ZNF850: variants seen among roughly 807,000 people sequenced by gnomAD.
ZNF850 encodes putative zinc finger protein ENSP00000330994.
In ZNF850, 2 loss-of-function variants were observed where a neutral mutation model predicts 11.9. The observed-to-expected ratio is 0.17, with a 90% CI of 0.07 to 0.53. The LOEUF is 0.53. ZNF850 is among the 20% of genes least tolerant of loss of function. ZNF850 has a pLI of 0.94. For synonymous variants in ZNF850, 381 were observed against 443.0 expected (o/e 0.86, Z 1.76); for missense variants, 1,014 against 1,316.4 (o/e 0.77, Z 3.55).
intron 1 of ZNF850, among the ~76,000 whole-genome samples, chr19:36,768,461 G>T (rs190383601): frequency 2.2e-4 from 33 of 152,168 alleles, no homozygotes; most frequent in African/African-American, 6.5e-4. Flanking sequence ...TAATGAAAAT[G>T]CAATTGCTCT....
chr19:36,752,561 ATGAGGAATGGC>A (rs2040460115), intron 4 of ZNF850, among the ~76,000 whole-genome samples: 1 of 152,178 alleles, frequency 6.6e-6, no homozygotes, highest in Admixed American at 6.5e-5. Flanking sequence ...AGGGGATGAG[ATGAGGAATGGC>A]TGCTAACTTC....
At chr19:36,754,851 G>A (rs1444134679) in intron 4 of ZNF850, among the ~76,000 whole-genome samples, 7 of 151,898 alleles carry the variant, frequency 4.6e-5, no homozygotes, top group African/African-American at 9.7e-5. Flanking sequence ...GACCACGCAC[G>A]GCTGATTGTG....
At chr19:36,763,566 A>C (rs1286449174) in intron 1 of ZNF850, among the ~76,000 whole-genome samples, 1 of 151,794 alleles carries the variant, frequency 6.6e-6, no homozygotes, top group African/African-American at 2.4e-5. Context: ...AACAACAACA[A>C]AAAAAAACCT....
intron 1 of ZNF850, 98 bp from the exon 2 acceptor site, chr19:36,762,773 A>C: frequency 1.5e-6 from 1 of 670,944 alleles, no homozygotes; most frequent in Non-Finnish European, 2.5e-6. Context: ...AAGCTGAAAG[A>C]ATATTACAGT....
In ZNF850 at chr19:36,757,192, G is replaced by A. The variant is rs74911031; in HGVS notation, c.235+4451C>T. On this transcript the variant is annotated intron_variant, in intron 4 of 4. Transcript: ENST00000591344. Reference sequence around the variant, plus strand: ...GAGGGGCAAACTTTGGCAGGGGTCCGTTGGGATATGCTAACAATAAGATAA... The same window carrying A: ...GAGGGGCAAACTTTGGCAGGGGTCCATTGGGATATGCTAACAATAAGATAA... Among the ~76,000 whole-genome samples, 832 of 152,184 alleles carry A rather than the reference G, an allele frequency of 5.5e-3. 24 individuals carry two copies. Among genetic ancestry groups the A allele is most frequent in the Admixed American group, 0.037 (565 of 15,276 alleles).
At position 36,762,188 on chromosome 19, in the gene ZNF850, C is replaced by A. The variant is rs1331302267; in HGVS notation, c.139+117G>T. The stretch of plus-strand genomic sequence containing the variant: ...AAGATGGAGTGACCCCAAAGAGCTG[C>A]CCATCTATTAATCTACAAAACACAA... On this transcript the variant is annotated intron_variant, in intron 3 of 4. Transcript: ENST00000591344. 4 of 813,056 alleles carry A rather than the reference C, an allele frequency of 4.9e-6. No individual in the cohort carries two copies. The East Asian group carries it at 8.2e-5, about 17-fold the overall frequency. The allele number at this position is 813,056 out of a possible 1,614,324, so 50.4% of individuals were successfully genotyped here. A position where few individuals can be genotyped will look rare whatever the true frequency, so the allele number is the denominator to read the frequency against.
At position 36,746,532 on chromosome 19, in the gene ZNF850, T is replaced by G. The variant is rs1477607740; in HGVS notation, c.*1235A>C. 6.6e-6 allele frequency: 1 copy of G among 152,092 alleles called. No homozygotes were observed. The highest frequency in any genetic ancestry group is 1.5e-5 in the Non-Finnish European group (1 of 68,054). The allele number at this position is 152,092 out of a possible 1,614,324, so 9.4% of individuals were successfully genotyped here. ...TGTCTGGCTGATTTTGTATTTTTAG[T>G]AGAGATGGGGTTTCAACATGTTGGC... is the stretch of plus-strand genomic sequence containing the variant. On this transcript the variant is annotated 3_prime_UTR_variant, in exon 5 of 5. Transcript: ENST00000591344.
In ZNF850 at chr19:36,750,159, G is replaced by A. The variant is rs1004783045; in HGVS notation, c.881C>T (p.Ser294Leu). ...AATTTGCTGATGTTGATTTAGTGTT[G>A]AGCCAGAAGTAAAAGATTTCCCACA... The part of the protein sequence containing the change: ...KECGKSFTSG[S>L]TLNQHQQIHT... Residue 294 changes from serine (S) to leucine (L), a missense_variant, in exon 5 of 5, where the codon TCA (serine) becomes TTA (leucine). Transcript: ENST00000591344. 23 of 1,538,760 alleles carry A rather than the reference G, an allele frequency of 1.5e-5. No individual in the cohort carries two copies. In the African/African-American group the frequency reaches 3.1e-4, roughly 21 times the overall value.
Position 36,748,174 on chromosome 19 carries a change from T to TA in ZNF850, c.2865dup (p.Lys956Ter), listed in dbSNP as rs1568732090. On this transcript the variant is annotated frameshift_variant, in exon 5 of 5. Coordinates refer to ENST00000591344, the MANE Select transcript of ZNF850 (RefSeq NM_001193552.2). LOFTEE classifies it low-confidence loss of function (END_TRUNC). The stretch of plus-strand genomic sequence containing the variant: ...TGTCTGAAGGACTTCCCACATGTCT[T>TA]ACATTCATAGGGTTTCTCGCCAGTG... 6.4e-7 allele frequency: 1 copy of TA among 1,553,414 alleles called. No individual in the cohort carries two copies. Among genetic ancestry groups the TA allele is most frequent in the Non-Finnish European group, 8.7e-7 (1 of 1,151,896 alleles).
Position 36,749,109 on chromosome 19 carries a change from G to A in ZNF850, c.1931C>T (p.Pro644Leu), listed in dbSNP as rs2040433875. ...QHQQIHTGEKPYQCQECGKAF... is the reference protein window; with the variant it reads ...QHQQIHTGEKLYQCQECGKAF... ...TTTCCCACATTCCTGACATTGATAA[G>A]GTTTCTCACCAGTATGGATTTGTTG... The change falls in exon 5 of 5, where the codon CCT becomes CTT. Residue 644 changes from proline to leucine, a missense_variant. Around this residue, in one of 2 missense-constraint regions of ZNF850, gnomAD observed 835 missense variants for 1,022.0 expected, o/e 0.82. Coordinates refer to ENST00000591344, the MANE Select transcript of ZNF850 (RefSeq NM_001193552.2). The A allele has an allele frequency of 3.7e-6, 6 of 1,602,688 alleles. No homozygotes were observed. The highest frequency in any genetic ancestry group is 5.1e-6 in the Non-Finnish European group (6 of 1,176,214).
At chr19:36,768,612 G>A (rs1179487753) in intron 1 of ZNF850, among the ~76,000 whole-genome samples, 2 of 151,988 alleles carry the variant, frequency 1.3e-5, no homozygotes, top group Admixed American at 6.6e-5. Context: ...TCTATCTAGG[G>A]TTCTACCTTT....
At position 36,749,032 on chromosome 19, in the gene ZNF850, C is replaced by T. The variant is rs1211351061; in HGVS notation, c.2008G>A (p.Glu670Lys). ...CAGTCCGGACATTCATAGGGTTTCT[C>T]ACCAGTGTGAATTCTGTGATGTTGG... ...LTQHHRIHTG[E>K]KPYECPDCGK... The change falls in exon 5 of 5, where the codon GAG (glutamate) becomes AAG (lysine). Residue 670 changes from glutamate (E) to lysine (K), a missense_variant. Around this residue, in one of 2 missense-constraint regions of ZNF850, gnomAD observed 835 missense variants for 1,022.0 expected, o/e 0.82. Coordinates refer to ENST00000591344, the MANE Select transcript of ZNF850 (RefSeq NM_001193552.2). 2.5e-6 allele frequency: 4 copies of T among 1,609,016 alleles called. No homozygotes were observed. The highest frequency in any genetic ancestry group is 3.4e-6 in the Non-Finnish European group (4 of 1,178,502).
chr19:36,766,613 C>A (rs1035251409), intron 1 of ZNF850, among the ~76,000 whole-genome samples: 2 of 152,152 alleles, frequency 1.3e-5, no homozygotes, highest in African/African-American at 4.8e-5. Flanking sequence ...CCTTTCCCCT[C>A]CGATCTGTCC....
At chr19:36,751,276 T>TA (rs148007109) in intron 4 of ZNF850, among the ~76,000 whole-genome samples, 27,521 of 151,710 alleles carry the variant, frequency 0.18, 2,668 homozygotes, top group Non-Finnish European at 0.22. Flanking sequence ...TCTCCAAAAC[T>TA]ATTGAGATAA....
chr19:36,761,646 G>A lies in ZNF850; in HGVS notation c.232C>T (p.Arg78Ter), dbSNP rs749841327. Residue 78 changes from arginine to a stop codon, truncating the protein, a stop_gained, in exon 4 of 5, where the codon CGA becomes TGA. Coordinates refer to ENST00000591344, the MANE Select transcript of ZNF850 (RefSeq NM_001193552.2). LOFTEE classifies it low-confidence loss of function (END_TRUNC). ...VSRDVLGGWC[R>*]DSEFRCKTKD... Reference sequence around the variant, plus strand: ...CATGTGCTCAGTCCTTACTCACCTCGGCACCATCCTCCCAGCACGTCCCTT... The same window carrying A: ...CATGTGCTCAGTCCTTACTCACCTCAGCACCATCCTCCCAGCACGTCCCTT... The A allele has an allele frequency of 1.3e-6, 2 of 1,539,624 alleles. No homozygotes were observed. Among genetic ancestry groups the A allele is most frequent in the Admixed American group, 1.9e-5 (1 of 51,702 alleles).
At chr19:36,754,609 A>G (rs985942119) in intron 4 of ZNF850, among the ~76,000 whole-genome samples, 11 of 151,974 alleles carry the variant, frequency 7.2e-5, no homozygotes, top group South Asian at 2.1e-4. Flanking sequence ...AGGCTGGAGT[A>G]CAGTGGCACG....
In ZNF850 at chr19:36,748,160, CT is replaced by C; in HGVS notation, c.2879del (p.Lys960SerfsTer37). ...TAAGGTGTGTACGCTGTCTGAAGGA[CT>C]TCCCACATGTCTTACATTCATAGGG... ...EKPYECKTCG[K>X]SFRQRTHLTL... On this transcript the variant is annotated frameshift_variant, in exon 5 of 5. Coordinates refer to ENST00000591344, the MANE Select transcript of ZNF850 (RefSeq NM_001193552.2). LOFTEE classifies it low-confidence loss of function (END_TRUNC). 5.2e-6 allele frequency: 8 copies of C among 1,552,456 alleles called. No homozygotes were observed. The highest frequency in any genetic ancestry group is 6.9e-6 in the Non-Finnish European group (8 of 1,151,388).
rs560173994 is a variant in ZNF850, at chr19:36,768,763, G to C, written c.-70+3962C>G. Among the ~76,000 whole-genome samples the C allele has an allele frequency of 9.9e-5, 15 of 151,946 alleles. No homozygotes were observed. The South Asian group carries it at 2.9e-3, about 30-fold the overall frequency. On this transcript the variant is annotated intron_variant, in intron 1 of 4. Transcript: ENST00000591344. ...AGATTGCTGGAGCTCAGGAGTTCGA[G>C]ACCAGACTGGGCAACATGGCAAAAC...
intron 4 of ZNF850, among the ~76,000 whole-genome samples, chr19:36,757,252 TA>T (rs977518968): frequency 1.3e-5 from 2 of 152,162 alleles, no homozygotes; most frequent in African/African-American, 4.8e-5. Flanking sequence ...CCCAAATGGG[TA>T]GATCCGTCGT....
Sources: gnomAD v4.1 joint callset for allele counts (sites outside exome capture counted in the v4.1 genomes callset) on GRCh38, gnomAD v4.1.1 for gene constraint, gnomAD v4.1.1 regional missense constraint, MANE v1.5 for transcripts, NCBI Gene and HGNC (gene_info 2026-07-23, HGNC 2026-07-21) for gene names.